SPMAP2L: variants seen among roughly 807,000 people sequenced by gnomAD.
SPMAP2L encodes sperm microtubule associated protein 2-like.
chr4:56,562,786 C>CTTT, the SPMAP2L span, among the ~76,000 whole-genome samples: 67 of 145,128 alleles, frequency 4.6e-4, no homozygotes, highest in Admixed American at 1.8e-3. Context: ...TTTTCTTCGT[C>CTTT]TTTTTTTTTA....
the SPMAP2L span, among the ~76,000 whole-genome samples, chr4:56,553,299 C>T: frequency 1.3e-5 from 2 of 150,506 alleles, no homozygotes; most frequent in African/African-American, 4.9e-5. Context: ...CAAGTGATTC[C>T]CCCACCTCAG....
chr4:56,593,905 G>A, the SPMAP2L span: 5 of 1,609,538 alleles, frequency 3.1e-6, no homozygotes, highest in Admixed American at 1.7e-5. Flanking sequence ...ATGCCACTTT[G>A]ATTTTGCCAG....
chr4:56,603,200 C>A, the SPMAP2L span: 1 of 1,505,320 alleles, frequency 6.6e-7, no homozygotes, highest in Non-Finnish European at 8.9e-7. Context: ...TCTTTTTCCC[C>A]TATTTCAGGG....
chr4:56,555,757 T>G, the SPMAP2L span, among the ~76,000 whole-genome samples: 1 of 60,712 alleles, frequency 1.6e-5, no homozygotes, highest in Non-Finnish European at 3.3e-5. Context: ...CAAATTCCGA[T>G]TGTTCTTTGT....
At chr4:56,574,436 CAAAT>C in the SPMAP2L span, among the ~76,000 whole-genome samples, 19 of 151,888 alleles carry the variant, frequency 1.3e-4, no homozygotes, top group African/African-American at 3.9e-4. Context: ...AATAAATAGA[CAAAT>C]AAAAGAAGAA....
At chr4:56,624,952 TC>T in the SPMAP2L span, among the ~76,000 whole-genome samples, 4 of 152,048 alleles carry the variant, frequency 2.6e-5, no homozygotes, top group Non-Finnish European at 5.9e-5. Flanking sequence ...GAATGGTAGA[TC>T]CACCAACAGC....
the SPMAP2L span, among the ~76,000 whole-genome samples, chr4:56,567,938 T>C: frequency 6.6e-6 from 1 of 152,352 alleles, no homozygotes; most frequent in Non-Finnish European, 1.5e-5. Context: ...ATATTTTTTC[T>C]GCTCCTCCTT....
the SPMAP2L span, among the ~76,000 whole-genome samples, chr4:56,620,555 TTG>T: frequency 5.3e-5 from 8 of 152,158 alleles, no homozygotes; most frequent in Admixed American, 2.0e-4. Flanking sequence ...CCAGCTAATT[TTG>T]TGTTTTTAGT....
chr4:56,592,678 G>T, the SPMAP2L span, among the ~76,000 whole-genome samples: 1 of 152,080 alleles, frequency 6.6e-6, no homozygotes, highest in Non-Finnish European at 1.5e-5. Flanking sequence ...GTGCCAGGGC[G>T]TTGGGGCTGC....
the SPMAP2L span, chr4:56,593,173 G>T: frequency 3.0e-5 from 46 of 1,548,170 alleles, 1 homozygote; most frequent in South Asian, 5.0e-4. Context: ...CTCAGGGGAG[G>T]CTGGAGAGTT....
chr4:56,613,120 T>A, the SPMAP2L span, among the ~76,000 whole-genome samples: 1 of 152,130 alleles, frequency 6.6e-6, no homozygotes, highest in Non-Finnish European at 1.5e-5. Context: ...TAAGGGCCTG[T>A]CTGAGGAGGT....
the SPMAP2L span, among the ~76,000 whole-genome samples, chr4:56,611,121 A>G: frequency 1.3e-5 from 2 of 152,254 alleles, no homozygotes; most frequent in Non-Finnish European, 2.9e-5. Context: ...AGAAGTCATT[A>G]TACGAAAAAG....
chr4:56,547,341 G>C, the SPMAP2L span, among the ~76,000 whole-genome samples: 3 of 151,094 alleles, frequency 2.0e-5, no homozygotes, highest in South Asian at 6.3e-4. Context: ...CGCCTCCCAG[G>C]TTCAAGCAAT....
At chr4:56,550,602 T>G in the SPMAP2L span, among the ~76,000 whole-genome samples, 4 of 152,318 alleles carry the variant, frequency 2.6e-5, no homozygotes, top group South Asian at 6.2e-4. Flanking sequence ...GTGAGCAAGC[T>G]TTCCTGTGAC....
chr4:56,617,250 T>C, the SPMAP2L span, among the ~76,000 whole-genome samples: 1 of 152,188 alleles, frequency 6.6e-6, no homozygotes, highest in Non-Finnish European at 1.5e-5. Context: ...TTTAACACAA[T>C]GGTAAGTATT....
chr4:56,593,263 G>A, the SPMAP2L span: 1 of 1,225,270 alleles, frequency 8.2e-7, no homozygotes, highest in Non-Finnish European at 1.2e-6. Context: ...AGGGACTGCG[G>A]CTGCAGAGGC....
the SPMAP2L span, among the ~76,000 whole-genome samples, chr4:56,622,256 A>G: frequency 1.3e-5 from 2 of 152,262 alleles, no homozygotes; most frequent in South Asian, 4.1e-4. Flanking sequence ...ATCCACACAA[A>G]TCAGGTTAAA....
At chr4:56,535,404 A>G in the SPMAP2L span, among the ~76,000 whole-genome samples, 2 of 152,094 alleles carry the variant, frequency 1.3e-5, no homozygotes, top group South Asian at 2.1e-4. Context: ...TATAGATTAC[A>G]TACATTGTAT....
At chr4:56,583,942 A>G in the SPMAP2L span, among the ~76,000 whole-genome samples, 1 of 152,080 alleles carries the variant, frequency 6.6e-6, no homozygotes, top group African/African-American at 2.4e-5. Flanking sequence ...ACACATTTAC[A>G]TATACTGTAT....
Sources: allele counts gnomAD v4.1 joint callset (sites outside exome capture counted in the v4.1 genomes callset), GRCh38; gene constraint gnomAD v4.1.1; transcripts MANE v1.5; gene names NCBI Gene and HGNC (gene_info 2026-07-23, HGNC 2026-07-21).